Variants in AJAP1 observed in about 807,000 individuals in gnomAD.
AJAP1 encodes adherens junctions associated protein 1, also known as adherens junction-associated protein 1.
A neutral mutation model predicts 35.0 loss-of-function variants in AJAP1; 5 were observed. That is an observed-to-expected ratio of 0.14 (90% confidence interval 0.07 to 0.30). AJAP1 has a LOEUF of 0.30. AJAP1 is among the 10% of genes least tolerant of loss of function. The probability of loss-of-function intolerance (pLI) is 1.00; values close to 1 mark genes in which losing one functional copy is unlikely to be tolerated. For synonymous variants in AJAP1, 284 were observed against 249.3 expected (o/e 1.14, Z -1.31); for missense variants, 586 against 571.0 (o/e 1.03, Z -0.27).
At chr1:4,667,159 G>A (rs751215025) in intron 1 of AJAP1, among the ~76,000 whole-genome samples, 11 of 152,226 alleles carry the variant, frequency 7.2e-5, no homozygotes, top group South Asian at 4.1e-4. Context: ...CTCCCCAGGC[G>A]GGGAAGACAA....
At chr1:4,702,009 G>T (rs931876653) in intron 1 of AJAP1, among the ~76,000 whole-genome samples, 8 of 152,204 alleles carry the variant, frequency 5.3e-5, no homozygotes, top group Admixed American at 4.6e-4. Context: ...AGGAGTTACT[G>T]ATTTTGCCCT....
chr1:4,769,749 C>A, intron 2 of AJAP1, 104 bp from the exon 3 acceptor site: 1 of 950,532 alleles, frequency 1.1e-6, no homozygotes, highest in East Asian at 2.4e-5. Flanking sequence ...TGGGACCTGG[C>A]ATCCCCAGCT....
At position 4,712,541 on chromosome 1, in the gene AJAP1, C is replaced by G; in HGVS notation, c.671C>G (p.Thr224Ser). Residue 224 changes from threonine (T) to serine (S), a missense_variant, in exon 2 of 6, where the codon ACC (threonine) becomes AGC (serine). Transcript: ENST00000378191. ...GTGGCCGCCACCACCACCACCACCA[C>G]CACGGCCACCCCCATGACGCTGCAG... ...TTVAATTTTT[T>S]TATPMTLQTK... is the part of the protein sequence containing the mutation. 6.2e-7 allele frequency: 1 copy of G among 1,612,880 alleles called. No individual in the cohort carries two copies. Among genetic ancestry groups the G allele is most frequent in the Non-Finnish European group, 8.5e-7 (1 of 1,179,612 alleles).
At chr1:4,707,207 C>T (rs971787003) in intron 1 of AJAP1, among the ~76,000 whole-genome samples, 1 of 152,172 alleles carries the variant, frequency 6.6e-6, no homozygotes, top group Non-Finnish European at 1.5e-5. Context: ...TAGGGTGCCA[C>T]GCCATGCACT....
rs915412495 is a variant in AJAP1, at chr1:4,697,926, C to T, written c.30-13974C>T. Among the ~76,000 whole-genome samples, 5 of 152,332 alleles carry T rather than the reference C, an allele frequency of 3.3e-5. No homozygotes were observed. The East Asian group carries it at 5.8e-4, about 18-fold the overall frequency. On this transcript the variant is annotated intron_variant, in intron 1 of 5. Transcript: ENST00000378191. ...CAAGAGCCAAGGGGACCGCTAAGTC[C>T]GCGTTCTGTGCTCTTTTCCTCCAGC...
chr1:4,731,885 T>A (rs1640804945), intron 2 of AJAP1, among the ~76,000 whole-genome samples: 1 of 152,216 alleles, frequency 6.6e-6, no homozygotes, highest in Non-Finnish European at 1.5e-5. Flanking sequence ...GGAGCCCTCC[T>A]GGAGAGGGGC....
chr1:4,655,958 C>T lies in AJAP1; in HGVS notation c.29+504C>T, dbSNP rs1638872253. Among the ~76,000 whole-genome samples the T allele has an allele frequency of 6.6e-6, 1 of 152,136 alleles. No homozygotes were observed. Among genetic ancestry groups the T allele is most frequent in the South Asian group, 2.1e-4 (1 of 4,818 alleles). ...GCTCCCCCTTCTCCTTTCTCGGGGC[C>T]CCGGGGCTGAGCAGGGGCCTCCCAG... is the stretch of plus-strand genomic sequence containing the variant. On this transcript the variant is annotated intron_variant, in intron 1 of 5. Coordinates refer to ENST00000378191, the MANE Select transcript of AJAP1 (RefSeq NM_018836.4). This position sits in a 1 kb window ranked among gnomAD's most constrained non-coding sequence, Gnocchi z 6.9.
At chr1:4,662,055 TG>T (rs1312996622) in intron 1 of AJAP1, among the ~76,000 whole-genome samples, 8 of 151,962 alleles carry the variant, frequency 5.3e-5, no homozygotes, top group African/African-American at 1.4e-4. Flanking sequence ...TTTGTGTGTG[TG>T]TGTGTGTGTG....
intron 5 of AJAP1, chr1:4,777,785 TAAG>T (rs1310844751): frequency 6.6e-6 from 1 of 152,192 alleles, no homozygotes; most frequent in Non-Finnish European, 1.5e-5. Context: ...TAATAAAAAA[TAAG>T]AAGTGTACCT....
intron 1 of AJAP1, among the ~76,000 whole-genome samples, chr1:4,691,347 G>A (rs574973612): frequency 4.6e-5 from 7 of 152,290 alleles, no homozygotes; most frequent in South Asian, 2.1e-4. Flanking sequence ...CACACTGACC[G>A]CCTCCCTTTG....
At chr1:4,775,596 G>C (rs1019568322) in intron 5 of AJAP1, among the ~76,000 whole-genome samples, 2 of 152,250 alleles carry the variant, frequency 1.3e-5, no homozygotes, top group African/African-American at 4.8e-5. Context: ...ACCAGCTGCA[G>C]TCAGAGAGGG....
chr1:4,787,534 C>A lies in AJAP1; in HGVS notation c.*5049C>A, dbSNP rs11805709. 2.6e-6 allele frequency: 1 copy of A among 381,788 alleles called. No individual in the cohort carries two copies. The highest frequency in any genetic ancestry group is 5.2e-6 in the Non-Finnish European group (1 of 190,726). The allele number at this position is 381,788 out of a possible 1,614,324, so 23.7% of individuals were successfully genotyped here. A position where few individuals can be genotyped will look rare whatever the true frequency, so the allele number is the denominator to read the frequency against. On this transcript the variant is annotated 3_prime_UTR_variant, in exon 6 of 6. Coordinates refer to ENST00000378191, the MANE Select transcript of AJAP1 (RefSeq NM_018836.4). ...CAGTGCAGCACTGAAGATAAGACAT[C>A]GCAGTTGTTACGACGCCTGGTTCTC... is the stretch of plus-strand genomic sequence containing the variant.
rs1453957620 is a variant in AJAP1, at chr1:4,734,592, G to A, written c.829+21893G>A. Among the ~76,000 whole-genome samples, 1 of 152,180 alleles carries A rather than the reference G, an allele frequency of 6.6e-6. No homozygotes were observed. The highest frequency in any genetic ancestry group is 6.5e-5 in the Admixed American group (1 of 15,282). On this transcript the variant is annotated intron_variant, in intron 2 of 5. Coordinates refer to ENST00000378191, the MANE Select transcript of AJAP1 (RefSeq NM_018836.4). This position sits in a 1 kb window ranked among gnomAD's most constrained non-coding sequence, Gnocchi z 4.3. ...TTACAAAGTAGGAAGTGGAGACAGG[G>A]ATTAAGGAGTCTGTCCAGGTCTGCC...
intron 1 of AJAP1, among the ~76,000 whole-genome samples, chr1:4,691,603 C>T (rs1324366964): frequency 2.6e-5 from 4 of 152,286 alleles, no homozygotes; most frequent in East Asian, 3.9e-4. Context: ...GAGCTAACTC[C>T]GGGCTCGGGG....
intron 2 of AJAP1, among the ~76,000 whole-genome samples, chr1:4,732,200 A>C (rs912796015): frequency 6.6e-6 from 1 of 152,246 alleles, no homozygotes; most frequent in Non-Finnish European, 1.5e-5. Flanking sequence ...GGCACAGCCA[A>C]ATTCTCCTTT....
rs1025694749 is a variant in AJAP1, at chr1:4,656,313, C to T, written c.29+859C>T. ...TGGCCCAGGGCCCACCAGAGCACAG[C>T]TGTCGTTTTTGCTGGGCAGGCTGCC... is the stretch of plus-strand genomic sequence containing the variant. On this transcript the variant is annotated intron_variant, in intron 1 of 5. Coordinates refer to ENST00000378191, the MANE Select transcript of AJAP1 (RefSeq NM_018836.4). This position sits in a 1 kb window ranked among gnomAD's most constrained non-coding sequence, Gnocchi z 5.7. Among the ~76,000 whole-genome samples, 21 of 152,204 alleles carry T rather than the reference C, an allele frequency of 1.4e-4. No homozygotes were observed. Among genetic ancestry groups the T allele is most frequent in the Non-Finnish European group, 8.8e-5 (6 of 68,030 alleles).
At position 4,654,935 on chromosome 1, in the gene AJAP1, A is replaced by G. The variant is rs61765001; in HGVS notation, c.-491A>G. On this transcript the variant is annotated 5_prime_UTR_variant, in exon 1 of 6. Transcript: ENST00000378191. The surrounding 1 kb of genome is among the most constrained non-coding windows in gnomAD (Gnocchi z 5.1). ...GACTCGCGTCCGTCCGCGTCGCGTC[A>G]CCCCAAACCCTAAGCAGCGCCGCCC... 0.29 allele frequency: 43,059 copies of G among 148,932 alleles called. 6,721 individuals carry two copies. Among genetic ancestry groups the G allele is most frequent in the Admixed American group, 0.34 (5,179 of 15,058 alleles). The allele number at this position is 148,932 out of a possible 1,614,324, so 9.2% of individuals were successfully genotyped here.
chr1:4,730,140 C>T (rs2100297283), intron 2 of AJAP1, among the ~76,000 whole-genome samples: 1 of 152,334 alleles, frequency 6.6e-6, no homozygotes, highest in African/African-American at 2.4e-5. Flanking sequence ...GCCTGTGCAC[C>T]TCGCAGATTC....
At chr1:4,765,448 G>T (rs1194600705) in intron 2 of AJAP1, among the ~76,000 whole-genome samples, 3 of 152,190 alleles carry the variant, frequency 2.0e-5, no homozygotes, top group Non-Finnish European at 4.4e-5. Flanking sequence ...TGACCAGAGG[G>T]AATGTTATTT....
Sources: gnomAD v4.1 joint callset for allele counts (sites outside exome capture counted in the v4.1 genomes callset) on GRCh38, gnomAD v4.1.1 for gene constraint, Gnocchi (gnomAD v3.1) non-coding constraint, MANE v1.5 for transcripts, NCBI Gene and HGNC (gene_info 2026-07-23, HGNC 2026-07-21) for gene names.